The following PTCH1 variants were observed in gnomAD, a reference collection of about 807,000 sequenced individuals.
The protein encoded by PTCH1 is protein patched homolog 1.
In PTCH1, 14 loss-of-function variants were observed where a neutral mutation model predicts 144.6. The ratio of observed to expected loss-of-function variants is 0.10; its 90% CI spans 0.06 to 0.15. PTCH1 has a LOEUF of 0.15. Ranked by LOEUF, PTCH1 falls within the 10% of genes least tolerant of loss-of-function variation. The pLI is 1.00. For missense variants in PTCH1, 1,623 were observed against 1,948.3 expected (o/e 0.83, Z 3.14); for synonymous variants, 833 against 793.6 (o/e 1.05, Z -0.83).
chr9:95,504,741 C>A (rs957670728), intron 2 of PTCH1, among the ~76,000 whole-genome samples: 1 of 152,172 alleles, frequency 6.6e-6, no homozygotes, highest in Non-Finnish European at 1.5e-5. Context: ...CCTACCGTCT[C>A]CAGTTCTCTC....
intron 14 of PTCH1, among the ~76,000 whole-genome samples, chr9:95,468,155 C>A (rs759274628): frequency 3.4e-4 from 52 of 152,200 alleles, no homozygotes; most frequent in Non-Finnish European, 5.7e-4. Context: ...GTAGCCTCGA[C>A]TCCCTGGGCT....
intron 16 of PTCH1, 120 bp from the exon 17 acceptor site, chr9:95,459,903 T>C (rs1839315353): frequency 2.7e-6 from 3 of 1,096,466 alleles, no homozygotes; most frequent in African/African-American, 1.5e-5. Flanking sequence ...GAATGCCTAC[T>C]GTTGAAAGTG....
At chr9:95,493,163 A>AG (rs1842546085) in intron 2 of PTCH1, among the ~76,000 whole-genome samples, 1 of 152,218 alleles carries the variant, frequency 6.6e-6, no homozygotes, top group Admixed American at 6.5e-5. Flanking sequence ...TTCTAGGCCA[A>AG]TATGATTCCA....
chr9:95,490,520 G>GACACACACAC (rs35550307), intron 2 of PTCH1, among the ~76,000 whole-genome samples: 2,508 of 140,298 alleles, frequency 0.018, 35 homozygotes, highest in Non-Finnish European at 0.028. Context: ...CCTTCTATGT[G>GACACACACAC]ACACACACAC....
intron 7 of PTCH1, among the ~76,000 whole-genome samples, chr9:95,479,427 G>A (rs1036587188): frequency 6.6e-6 from 1 of 152,202 alleles, no homozygotes; most frequent in African/African-American, 2.4e-5. Flanking sequence ...AACAGGAAGG[G>A]GAGAGGAGCA....
intron 1 of PTCH1, chr9:95,516,356 G>C: frequency 1.2e-6 from 1 of 842,016 alleles, no homozygotes; most frequent in Non-Finnish European, 1.5e-6. Flanking sequence ...CTCGGGGCTC[G>C]CTCCTCCGTC....
intron 15 of PTCH1, among the ~76,000 whole-genome samples, chr9:95,464,820 A>T (rs938654984): frequency 5.3e-5 from 8 of 152,264 alleles, no homozygotes; most frequent in African/African-American, 1.9e-4. Flanking sequence ...AATGTCAGCA[A>T]GGAAAGCTGA....
At chr9:95,510,146 CT>C (rs887402935), upstream of PTCH1, among the ~76,000 whole-genome samples, 17 of 150,942 alleles carry the variant, frequency 1.1e-4, no homozygotes, top group Non-Finnish European at 2.2e-4. Flanking sequence ...ACAACAGAAT[CT>C]TTTTTTACAA....
intron 1 of PTCH1, among the ~76,000 whole-genome samples, chr9:95,515,512 T>C (rs1250966626): frequency 6.6e-6 from 1 of 152,208 alleles, no homozygotes; most frequent in Non-Finnish European, 1.5e-5. Context: ...ATCCACACGC[T>C]AGCATCATTT....
intron 12 of PTCH1, among the ~76,000 whole-genome samples, chr9:95,472,078 T>TG (rs989439038): frequency 2.0e-5 from 3 of 150,446 alleles, no homozygotes; most frequent in Non-Finnish European, 4.4e-5. Context: ...AGCAGGGGAA[T>TG]GGCAGGTGCT....
intron 19 of PTCH1, among the ~76,000 whole-genome samples, chr9:95,456,030 C>T (rs554120129): frequency 6.6e-6 from 1 of 152,324 alleles, no homozygotes; most frequent in East Asian, 1.9e-4. Context: ...CACTCCAACA[C>T]ACCAACCCTG....
chr9:95,486,917 T>C lies in PTCH1; in HGVS notation c.395-1043A>G, dbSNP rs541738357. 3.9e-5 allele frequency among the ~76,000 whole-genome samples: 6 copies of C among 152,294 alleles called. No homozygotes were observed. In the South Asian group the frequency reaches 8.3e-4, roughly 21 times the overall value. On this transcript the variant is annotated intron_variant, in intron 2 of 23. Transcript: ENST00000331920. ...CTAGGGCAAAGGAAGCGGGTCTGAA[T>C]TGTTCCTAAAGTCATTGATAAGTTG...
rs1838277104 is a variant in PTCH1, at chr9:95,449,624, C to T, written c.3549+217G>A. On this transcript the variant is annotated intron_variant, in intron 21 of 23. Transcript: ENST00000331920. This position sits in a 1 kb window ranked among gnomAD's most constrained non-coding sequence, Gnocchi z 5.3. ...TTTACTGTATAAAGATCTGTAAGAC[C>T]CAGGCTGCCAATCAGTTGATTTAGA... 3.1e-6 allele frequency: 2 copies of T among 649,704 alleles called. No homozygotes were observed. The highest frequency in any genetic ancestry group is 5.4e-6 in the Non-Finnish European group (2 of 373,062). The allele number at this position is 649,704 out of a possible 1,614,324, so 40.2% of individuals were successfully genotyped here. A position where few individuals can be genotyped will look rare whatever the true frequency, so the allele number is the denominator to read the frequency against.
intron 2 of PTCH1, 51 bp downstream of exon 2, chr9:95,506,356 C>G (rs753635365): frequency 6.3e-7 from 1 of 1,582,774 alleles, no homozygotes; most frequent in Non-Finnish European, 8.6e-7. Context: ...CTCTATCAAC[C>G]GCGAGGAGGG....
At chr9:95,479,314 A>G (rs1588606511) in intron 7 of PTCH1, among the ~76,000 whole-genome samples, 167 bp from the exon 8 acceptor site, 1 of 152,208 alleles carries the variant, frequency 6.6e-6, no homozygotes, top group East Asian at 1.9e-4. Context: ...TTTATTTAAT[A>G]GATTGATGTA....
In PTCH1 at chr9:95,508,887, G is replaced by A. The variant is rs1042717326; in HGVS notation, c.-526C>T. ...GGAGGGCAAGCGCAGAGCCGCCGCC[G>A]CCGCGGGGTCCGAGGGTGCCCGGCG... On this transcript the variant is annotated 5_prime_UTR_variant, in exon 1 of 24. Transcript: ENST00000331920. 37 of 944,162 alleles carry A rather than the reference G, an allele frequency of 3.9e-5. 1 individual carries two copies. The South Asian group carries it at 1.8e-3, about 45-fold the overall frequency. The allele number at this position is 944,162 out of a possible 1,614,324, so 58.5% of individuals were successfully genotyped here.
At chr9:95,448,035 C>T (rs772598995) in intron 22 of PTCH1, among the ~76,000 whole-genome samples, 52 of 152,212 alleles carry the variant, frequency 3.4e-4, no homozygotes, top group Non-Finnish European at 5.9e-4. Context: ...TTCGTCACTG[C>T]GGAGGGCTGT....
intron 12 of PTCH1, among the ~76,000 whole-genome samples, chr9:95,474,539 A>C (rs1375984697): frequency 2.0e-5 from 3 of 152,224 alleles, no homozygotes; most frequent in Admixed American, 1.3e-4. Flanking sequence ...TATAATATAA[A>C]TAAACCCTGT....
Position 95,508,408 on chromosome 9 carries a change from C to A in PTCH1, c.-47G>T. On this transcript the variant is annotated 5_prime_UTR_variant, in exon 1 of 24. Transcript: ENST00000331920. ...GCCGCGGGGACGGAGGCTTCCCGGG[C>A]GGCCCGGCGCGCTGCTGCCGCTGCT... is the stretch of plus-strand genomic sequence containing the variant. 3 of 1,073,252 alleles carry A rather than the reference C, an allele frequency of 2.8e-6. No homozygotes were observed. Among genetic ancestry groups the A allele is most frequent in the Non-Finnish European group, 2.2e-6 (2 of 889,054 alleles). The allele number at this position is 1,073,252 out of a possible 1,614,324, so 66.5% of individuals were successfully genotyped here.
Sources: allele counts gnomAD v4.1 joint callset (sites outside exome capture counted in the v4.1 genomes callset), GRCh38; gene constraint gnomAD v4.1.1; non-coding constraint Gnocchi (gnomAD v3.1); transcripts MANE v1.5; gene names NCBI Gene and HGNC (gene_info 2026-07-23, HGNC 2026-07-21).